PDE3B: variants seen among roughly 807,000 people sequenced by gnomAD.
PDE3B encodes cGMP-inhibited 3',5'-cyclic phosphodiesterase 3B.
A neutral mutation model predicts 116.8 loss-of-function variants in PDE3B; 66 were observed. That is an observed-to-expected ratio of 0.56 (90% confidence interval 0.46 to 0.69). The LOEUF is 0.69. Among genes scored for constraint, PDE3B ranks in the 30% least tolerant of loss-of-function variants. The pLI is 0.00. For missense variants in PDE3B, 1,384 were observed against 1,368.1 expected, an observed-to-expected ratio of 1.01 and a Z score of -0.18; for synonymous variants, 595 against 533.6, an observed-to-expected ratio of 1.12 and a Z score of -1.59.
intron 1 of PDE3B, among the ~76,000 whole-genome samples, chr11:14,743,697 C>T (rs929830789): frequency 6.6e-6 from 1 of 152,188 alleles, no homozygotes; most frequent in African/African-American, 2.4e-5. Flanking sequence ...GGCGTAGGTA[C>T]CAGAGGGATT....
At chr11:14,892,918 A>G in the PDE3B span, among the ~76,000 whole-genome samples, 1 of 152,202 alleles carries the variant, frequency 6.6e-6, no homozygotes, top group African/African-American at 2.4e-5. Context: ...TTTACTATTC[A>G]AGATTTCTGC....
rs117980755 is a variant in PDE3B, at chr11:14,759,449, A to G, written c.979-12488A>G. ...ATTCCTTTTTACACTGACATCTGGAACAAAGTTCAGTCTAATTGTAGTTCA... is the reference window on the plus strand; with the variant it reads ...ATTCCTTTTTACACTGACATCTGGAGCAAAGTTCAGTCTAATTGTAGTTCA... On this transcript the variant is annotated intron_variant, in intron 1 of 15. Transcript: ENST00000282096. 6.6e-3 allele frequency among the ~76,000 whole-genome samples: 1,002 copies of G among 152,260 alleles called. 6 individuals carry two copies. The highest frequency in any genetic ancestry group is 0.014 in the Middle Eastern group (4 of 292).
chr11:14,670,940 T>C (rs552780583), intron 1 of PDE3B, among the ~76,000 whole-genome samples: 2 of 151,784 alleles, frequency 1.3e-5, no homozygotes, highest in Admixed American at 6.6e-5. Flanking sequence ...AACTCCTGGG[T>C]AGGTAATACT....
At chr11:14,716,285 G>T (rs1433310546) in intron 1 of PDE3B, among the ~76,000 whole-genome samples, 1 of 152,074 alleles carries the variant, frequency 6.6e-6, no homozygotes, top group Non-Finnish European at 1.5e-5. Flanking sequence ...ACGGAATCTC[G>T]CTGATTGCTA....
At chr11:14,848,817 C>G (rs956820894) in intron 12 of PDE3B, among the ~76,000 whole-genome samples, 3 of 152,110 alleles carry the variant, frequency 2.0e-5, no homozygotes, top group Non-Finnish European at 4.4e-5. Flanking sequence ...GAACTACAAA[C>G]CACTGCTCAA....
the PDE3B span, among the ~76,000 whole-genome samples, chr11:14,882,771 T>A: frequency 1.3e-5 from 2 of 152,316 alleles, no homozygotes; most frequent in African/African-American, 2.4e-5. Flanking sequence ...CATGATTGTA[T>A]AACGAGAAAA....
chr11:14,728,457 A>T (rs1247403095), intron 1 of PDE3B, among the ~76,000 whole-genome samples: 1 of 152,106 alleles, frequency 6.6e-6, no homozygotes, highest in African/African-American at 2.4e-5. Flanking sequence ...AAGGAAGAGG[A>T]AGTAACATTT....
At chr11:14,748,831 T>A (rs1212324097) in intron 1 of PDE3B, among the ~76,000 whole-genome samples, 1 of 151,898 alleles carries the variant, frequency 6.6e-6, no homozygotes. Flanking sequence ...AAAATGATAC[T>A]ATTAAAAAAA....
the PDE3B span, among the ~76,000 whole-genome samples, chr11:14,888,534 T>C: frequency 3.9e-5 from 6 of 152,302 alleles, no homozygotes; most frequent in African/African-American, 1.4e-4. Context: ...ACCCTAACCA[T>C]ACCAAGTCTT....
intron 1 of PDE3B, among the ~76,000 whole-genome samples, chr11:14,722,935 C>G (rs1209318547): frequency 6.6e-6 from 1 of 152,110 alleles, no homozygotes; most frequent in Non-Finnish European, 1.5e-5. Flanking sequence ...TCTAAACCTT[C>G]AAATCTTATT....
chr11:14,721,505 C>G (rs1262661802), intron 1 of PDE3B, among the ~76,000 whole-genome samples: 1 of 151,566 alleles, frequency 6.6e-6, no homozygotes, highest in Admixed American at 6.6e-5. Context: ...TTCACAATAG[C>G]AAAGACTTGG....
At chr11:14,645,116 C>T in intron 1 of PDE3B, 63 bp downstream of exon 1, 1 of 1,278,038 alleles carries the variant, frequency 7.8e-7, no homozygotes, top group Non-Finnish European at 1.0e-6. Flanking sequence ...CTGCAGTTTC[C>T]GAGTTGAATT....
intron 1 of PDE3B, chr11:14,674,036 AGT>A: frequency 6.7e-7 from 1 of 1,491,008 alleles, no homozygotes; most frequent in Non-Finnish European, 9.4e-7. Context: ...CTGGTAATTA[AGT>A]CCCAGTCATC....
intron 1 of PDE3B, among the ~76,000 whole-genome samples, chr11:14,676,383 A>G (rs1183186172): frequency 1.3e-5 from 2 of 152,188 alleles, no homozygotes; most frequent in East Asian, 1.9e-4. Context: ...CCTGTACAGC[A>G]TGTTACTGTA....
rs1462021744 is a variant in PDE3B, at chr11:14,644,774, C to T, written c.699C>T (p.Ser233=). ...LLLASFVWWV[S]FTSLGSLPSA... ...TGGCCAGCTTCGTCTGGTGGGTCTCCTTCACCAGCCTCGGGTCGCTGCCCT... is the reference window on the plus strand; with the variant it reads ...TGGCCAGCTTCGTCTGGTGGGTCTCTTTCACCAGCCTCGGGTCGCTGCCCT... Residue 233 remains serine, a synonymous_variant, in exon 1 of 16, where the codon TCC becomes TCT. Coordinates refer to ENST00000282096, the MANE Select transcript of PDE3B (RefSeq NM_000922.4). The T allele has an allele frequency of 1.2e-6, 2 of 1,606,720 alleles. No individual in the cohort carries two copies. The highest frequency in any genetic ancestry group is 2.2e-5 in the East Asian group (1 of 44,754).
intron 1 of PDE3B, among the ~76,000 whole-genome samples, chr11:14,664,139 A>C (rs1854039753): frequency 1.3e-5 from 2 of 152,240 alleles, no homozygotes; most frequent in Non-Finnish European, 2.9e-5. Flanking sequence ...ACTATATGGA[A>C]ACTGAACAAC....
chr11:14,659,981 C>G (rs2133759727), intron 1 of PDE3B, among the ~76,000 whole-genome samples: 1 of 152,318 alleles, frequency 6.6e-6, no homozygotes, highest in South Asian at 2.1e-4. Context: ...TCTCCCAGTT[C>G]TGTGTTCCCC....
chr11:14,803,592 AGG>A (rs1214823090), intron 4 of PDE3B, among the ~76,000 whole-genome samples: 1 of 152,212 alleles, frequency 6.6e-6, no homozygotes, highest in East Asian at 1.9e-4. Flanking sequence ...ATTTCACCCC[AGG>A]GATTGGCAGT....
intron 1 of PDE3B, chr11:14,674,428 A>G: frequency 1.6e-6 from 1 of 640,940 alleles, no homozygotes. Flanking sequence ...GTAATGTATA[A>G]AGTATTTCAC....
Sources: gnomAD v4.1 joint callset for allele counts (sites outside exome capture counted in the v4.1 genomes callset) on GRCh38, gnomAD v4.1.1 for gene constraint, MANE v1.5 for transcripts, NCBI Gene and HGNC (gene_info 2026-07-23, HGNC 2026-07-21) for gene names.